LAMA1: variants seen among roughly 807,000 people sequenced by gnomAD.
LAMA1 encodes the protein laminin subunit alpha-1.
In LAMA1, 219 loss-of-function variants were observed where a neutral mutation model predicts 348.7. The ratio of observed to expected loss-of-function variants is 0.63; its 90% CI spans 0.56 to 0.70. The LOEUF is 0.70. Ranked by LOEUF, LAMA1 falls within the 30% of genes least tolerant of loss-of-function variation. The probability of loss-of-function intolerance (pLI) is 0.00; values close to 1 mark genes in which losing one functional copy is unlikely to be tolerated. For synonymous variants in LAMA1, 1,487 were observed against 1,491.0 expected (o/e 1.00, Z 0.06); for missense variants, 3,744 against 3,888.0 (o/e 0.96, Z 0.99).
In LAMA1 at chr18:7,042,130, G is replaced by C. The variant is rs1396572636; in HGVS notation, c.1261+15C>G. ...CAAAATCAATTACAAGCACAAAAGT[G>C]AATCAAGTACTTACCATTGTGTAAG... is the stretch of plus-strand genomic sequence containing the variant. On this transcript the variant is annotated intron_variant, in intron 9 of 62. Coordinates refer to ENST00000389658, the MANE Select transcript of LAMA1 (RefSeq NM_005559.4). 3.2e-6 allele frequency: 5 copies of C among 1,548,490 alleles called. No homozygotes were observed. Among genetic ancestry groups the C allele is most frequent in the Non-Finnish European group, 4.4e-6 (5 of 1,123,650 alleles).
At position 7,040,077 on chromosome 18, in the gene LAMA1, T is replaced by C. The variant is rs2058013621; in HGVS notation, c.1421A>G (p.Lys474Arg). 4 of 1,613,838 alleles carry C rather than the reference T, an allele frequency of 2.5e-6. No homozygotes were observed. Among genetic ancestry groups the C allele is most frequent in the African/African-American group, 1.3e-5 (1 of 74,898 alleles). The change falls in exon 10 of 63, where the codon AAG becomes AGG. Residue 474 changes from lysine to arginine, a missense_variant and splice_region_variant. This residue lies in a region of LAMA1 where 1,529 missense variants were observed against 1,689.4 expected (regional missense o/e 0.91). Coordinates refer to ENST00000389658, the MANE Select transcript of LAMA1 (RefSeq NM_005559.4). ...DEPCTGPCVCKENVEGKACDR... is the reference protein window; with the variant it reads ...DEPCTGPCVCRENVEGKACDR... ...GGTGTCTCTGACCTCCCCACTTACC[T>C]TACAAACACAGGGCCCTGTGCAGGG... is the stretch of plus-strand genomic sequence containing the variant.
chr18:6,964,955 GACAAGTGA>G (rs1330386316), intron 50 of LAMA1, 152 bp from the exon 51 acceptor site: 10 of 931,934 alleles, frequency 1.1e-5, no homozygotes, highest in Non-Finnish European at 1.7e-5. Flanking sequence ...GCTATTGAAG[GACAAGTGA>G]AAATCCTCTC....
chr18:6,965,572 T>C, intron 49 of LAMA1, 140 bp from the exon 50 acceptor site: 1 of 916,894 alleles, frequency 1.1e-6, no homozygotes, highest in South Asian at 1.4e-5. Context: ...GTCTATCGGC[T>C]ACGAAACCAA....
chr18:7,090,697 G>A (rs1046978251), intron 1 of LAMA1, among the ~76,000 whole-genome samples: 1 of 142,330 alleles, frequency 7.0e-6, no homozygotes, highest in Admixed American at 7.0e-5. Context: ...GAGAGAGAGA[G>A]AGAAAAAGAG....
rs755932196 is a variant in LAMA1 at position 6,959,501 on chromosome 18, G to A, written c.7627-9C>T. 3.7e-6 allele frequency: 6 copies of A among 1,614,002 alleles called. No homozygotes were observed. The highest frequency in any genetic ancestry group is 5.1e-6 in the Non-Finnish European group (6 of 1,179,962). On this transcript the variant is annotated splice_polypyrimidine_tract_variant and intron_variant, in intron 53 of 62. Transcript: ENST00000389658. ...ATGACGGAAAAGAAGGGCTGGGGAG[G>A]TTGCATAGAGAATTTCCCAGACAAA... is the stretch of plus-strand genomic sequence containing the variant.
At chr18:6,958,142 G>T (rs539452986) in intron 55 of LAMA1, among the ~76,000 whole-genome samples, 3 of 152,250 alleles carry the variant, frequency 2.0e-5, no homozygotes, top group South Asian at 4.2e-4. Flanking sequence ...TCAAAGCAAT[G>T]CTCTCAGGAC....
intron 36 of LAMA1, among the ~76,000 whole-genome samples, chr18:6,987,039 G>A (rs970586448): frequency 9.9e-5 from 15 of 152,128 alleles, no homozygotes; most frequent in African/African-American, 2.7e-4. Context: ...GATTACAGGC[G>A]TAAGCCACTG....
chr18:6,983,054 A>G (rs771131671), intron 40 of LAMA1, 45 bp downstream of exon 40: 6 of 1,613,894 alleles, frequency 3.7e-6, no homozygotes, highest in South Asian at 2.2e-5. Flanking sequence ...CGGTACAGAA[A>G]AATCTCCCAC....
At position 7,014,091 on chromosome 18, in the gene LAMA1, T is replaced by G. The variant is rs776600510; in HGVS notation, c.3127-40A>C. Reference sequence around the variant, plus strand: ...AACCAACTCAATTAAAAAGGCAGATTTGATGCTTCCAAATGCACACATATT... The same window carrying G: ...AACCAACTCAATTAAAAAGGCAGATGTGATGCTTCCAAATGCACACATATT... On this transcript the variant is annotated intron_variant, in intron 22 of 62. Coordinates refer to ENST00000389658, the MANE Select transcript of LAMA1 (RefSeq NM_005559.4). 14 of 1,470,688 alleles carry G rather than the reference T, an allele frequency of 9.5e-6. No individual in the cohort carries two copies. In the African/African-American group the frequency reaches 1.7e-4, roughly 18 times the overall value. The allele number at this position is 1,470,688 out of a possible 1,614,324, so 91.1% of individuals were successfully genotyped here. A position where few individuals can be genotyped will look rare whatever the true frequency, so the allele number is the denominator to read the frequency against.
chr18:7,115,969 C>CAA (rs879608315), intron 1 of LAMA1, among the ~76,000 whole-genome samples: 1 of 140,558 alleles, frequency 7.1e-6, no homozygotes, highest in Non-Finnish European at 1.6e-5. Context: ...CCGGAGACTG[C>CAA]AAAAAAAAAA....
chr18:7,045,217 G>T (rs2144191113), intron 6 of LAMA1, among the ~76,000 whole-genome samples: 1 of 152,252 alleles, frequency 6.6e-6, no homozygotes, highest in African/African-American at 2.4e-5. Context: ...ACAAAGATTA[G>T]AAGAAAATAA....
chr18:7,013,076 G>T (rs1316720882), intron 23 of LAMA1, among the ~76,000 whole-genome samples: 2 of 151,882 alleles, frequency 1.3e-5, no homozygotes, highest in Non-Finnish European at 2.9e-5. Context: ...CAGGAGAATT[G>T]CTTGAACCCG....
rs530485453 is a variant in LAMA1 at position 7,069,390 on chromosome 18, GC to G, written c.345+10584del. Among the ~76,000 whole-genome samples, 393 of 152,300 alleles carry G rather than the reference GC, an allele frequency of 2.6e-3. 3 individuals are homozygous for G. Among genetic ancestry groups the G allele is most frequent in the African/African-American group, 8.9e-3 (370 of 41,564 alleles). ...GCCCCTACAAGATAAGATATGCAAGGCTGCAAAGATTAAAGCCTCCTAGAGA... is the reference window on the plus strand; with the variant it reads ...GCCCCTACAAGATAAGATATGCAAGGTGCAAAGATTAAAGCCTCCTAGAGA... On this transcript the variant is annotated intron_variant, in intron 3 of 62. Transcript: ENST00000389658.
chr18:7,000,067 A>G, intron 30 of LAMA1, 70 bp from the exon 31 acceptor site: 1 of 1,140,076 alleles, frequency 8.8e-7, no homozygotes, highest in Admixed American at 1.9e-5. Context: ...GTACTTATTC[A>G]TTACTCTTAG....
At chr18:7,037,269 G>T (rs1471570636) in intron 12 of LAMA1, among the ~76,000 whole-genome samples, 1 of 152,130 alleles carries the variant, frequency 6.6e-6, no homozygotes, top group African/African-American at 2.4e-5. Context: ...GGAATGTGAG[G>T]AACACTTCAT....
At chr18:7,089,256 G>C (rs561358730) in intron 1 of LAMA1, among the ~76,000 whole-genome samples, 1 of 152,118 alleles carries the variant, frequency 6.6e-6, no homozygotes, top group Non-Finnish European at 1.5e-5. Context: ...TGAAGCACCT[G>C]TAGTCCCACC....
In LAMA1 at chr18:6,950,765, G is replaced by A. The variant is rs760654428; in HGVS notation, c.8397+17C>T. 1.2e-6 allele frequency: 2 copies of A among 1,613,372 alleles called. No homozygotes were observed. Among genetic ancestry groups the A allele is most frequent in the Non-Finnish European group, 1.7e-6 (2 of 1,179,698 alleles). On this transcript the variant is annotated intron_variant, in intron 58 of 62. Transcript: ENST00000389658. ...CAGAACTCAGAAGCAGCCACCACAA[G>A]CCTCCTGAGATCGTACCGTGTGCCA...
At chr18:6,975,077 G>T in intron 45 of LAMA1, 41 bp from the exon 46 acceptor site, 2 of 1,605,044 alleles carry the variant, frequency 1.2e-6, no homozygotes, top group South Asian at 1.1e-5. Context: ...TTACACACTG[G>T]ACTGTTTGCT....
intron 19 of LAMA1, among the ~76,000 whole-genome samples, chr18:7,021,852 TTA>T (rs2057919002): frequency 4.8e-5 from 3 of 62,104 alleles, no homozygotes; most frequent in South Asian, 3.0e-4. Flanking sequence ...TTATATTATA[TTA>T]TATATATTAT....
Sources: gnomAD v4.1 joint callset for allele counts (sites outside exome capture counted in the v4.1 genomes callset) on GRCh38, gnomAD v4.1.1 for gene constraint, gnomAD v4.1.1 regional missense constraint, MANE v1.5 for transcripts, NCBI Gene and HGNC (gene_info 2026-07-23, HGNC 2026-07-21) for gene names.